ADCY8: variants seen among roughly 807,000 people sequenced by gnomAD.
The protein encoded by ADCY8 is adenylate cyclase 8, also known as adenylate cyclase type 8.
Under a neutral mutation model 119.7 loss-of-function variants are expected in ADCY8, and 51 were observed. The observed-to-expected ratio is 0.43, with a 90% CI of 0.34 to 0.54. The LOEUF (loss-of-function observed/expected upper bound fraction) is 0.54, where lower values mean the gene tolerates loss of function less well. ADCY8 is among the 20% of genes least tolerant of loss of function. The pLI is 0.03. For missense variants in ADCY8, 1,383 were observed against 1,598.8 expected (o/e 0.87, Z 2.30); for synonymous variants, 665 against 651.0 (o/e 1.02, Z -0.33).
chr8:130,797,475 A>C (rs1454486462), intron 15 of ADCY8, among the ~76,000 whole-genome samples: 1 of 152,232 alleles, frequency 6.6e-6, no homozygotes, highest in Non-Finnish European at 1.5e-5. Flanking sequence ...ACTATCTGCC[A>C]GCTTGTTTCT....
intron 5 of ADCY8, among the ~76,000 whole-genome samples, chr8:130,927,361 A>T (rs1006643055): frequency 2.8e-4 from 43 of 152,208 alleles, no homozygotes; most frequent in South Asian, 2.1e-4. Flanking sequence ...TTAACTTTTT[A>T]AAAAATATAC....
At chr8:130,910,214 T>C (rs1246976866) in intron 5 of ADCY8, among the ~76,000 whole-genome samples, 1 of 152,180 alleles carries the variant, frequency 6.6e-6, no homozygotes, top group East Asian at 1.9e-4. Context: ...CTGAACATCC[T>C]TAGCCTTTTA....
At chr8:130,931,946 AG>A (rs1291101265) in intron 5 of ADCY8, among the ~76,000 whole-genome samples, 2 of 152,002 alleles carry the variant, frequency 1.3e-5, no homozygotes, top group African/African-American at 4.8e-5. Flanking sequence ...TCATTTCTTT[AG>A]GTTCAGTCAC....
At chr8:131,005,649 G>A (rs1199741626) in intron 1 of ADCY8, among the ~76,000 whole-genome samples, 1 of 152,172 alleles carries the variant, frequency 6.6e-6, no homozygotes, top group East Asian at 1.9e-4. Context: ...AGCCGAAGAG[G>A]AAGACAGAAA....
At chr8:131,020,131 A>G (rs6470884) in intron 1 of ADCY8, among the ~76,000 whole-genome samples, 10,200 of 152,222 alleles carry the variant, frequency 0.067, 591 homozygotes, top group African/African-American at 0.15. Flanking sequence ...GAGGGAGAGC[A>G]GTCAGATCTA....
chr8:130,885,436 AG>A (rs1440596159), intron 7 of ADCY8, among the ~76,000 whole-genome samples: 1 of 152,090 alleles, frequency 6.6e-6, no homozygotes, highest in Non-Finnish European at 1.5e-5. Context: ...ACCATTTCAC[AG>A]GGTTACACAG....
At chr8:130,821,841 G>T (rs1253054609) in intron 12 of ADCY8, among the ~76,000 whole-genome samples, 1 of 152,174 alleles carries the variant, frequency 6.6e-6, no homozygotes, top group African/African-American at 2.4e-5. Flanking sequence ...GATTGGACAG[G>T]GACTTAGACT....
intron 2 of ADCY8, among the ~76,000 whole-genome samples, chr8:130,979,023 G>T (rs1322724908): frequency 6.6e-6 from 1 of 152,132 alleles, no homozygotes; most frequent in Non-Finnish European, 1.5e-5. Context: ...TCTAATGCTG[G>T]TTGGGGCGGA....
At chr8:130,840,842 G>A (rs766784388) in intron 11 of ADCY8, among the ~76,000 whole-genome samples, 8 of 152,070 alleles carry the variant, frequency 5.3e-5, no homozygotes, top group Non-Finnish European at 7.4e-5. Flanking sequence ...GAAATGTTAG[G>A]TAGTGAGCAA....
At chr8:130,935,049 T>C (rs926944232) in intron 5 of ADCY8, among the ~76,000 whole-genome samples, 1 of 152,238 alleles carries the variant, frequency 6.6e-6, no homozygotes, top group Non-Finnish European at 1.5e-5. Context: ...GACAACTGGA[T>C]ATTTTTCTTG....
At chr8:130,788,871 A>G (rs1432931014) in intron 15 of ADCY8, among the ~76,000 whole-genome samples, 2 of 152,204 alleles carry the variant, frequency 1.3e-5, no homozygotes, top group Non-Finnish European at 2.9e-5. Flanking sequence ...ACACACAAGA[A>G]TATGATAAAT....
intron 12 of ADCY8, 50 bp from the exon 13 acceptor site, chr8:130,821,470 C>T (rs768943774): frequency 6.9e-7 from 1 of 1,440,126 alleles, no homozygotes; most frequent in Admixed American, 1.7e-5. Flanking sequence ...TTCAAGGAGA[C>T]CTATGAGAAA....
At chr8:130,826,104 A>G (rs1441023593) in intron 12 of ADCY8, among the ~76,000 whole-genome samples, 1 of 152,246 alleles carries the variant, frequency 6.6e-6, no homozygotes, top group African/African-American at 2.4e-5. Flanking sequence ...TGGTTGGCAT[A>G]AAGAATGGCA....
intron 1 of ADCY8, among the ~76,000 whole-genome samples, chr8:131,012,524 G>A (rs1488190636): frequency 6.6e-6 from 1 of 152,192 alleles, no homozygotes; most frequent in Non-Finnish European, 1.5e-5. Flanking sequence ...GGATCCTAGA[G>A]GTACAAGGGG....
At chr8:131,018,966 C>A (rs1823565855) in intron 1 of ADCY8, among the ~76,000 whole-genome samples, 1 of 152,270 alleles carries the variant, frequency 6.6e-6, no homozygotes, top group South Asian at 2.1e-4. Context: ...ACCCAGTTCA[C>A]CTGCCACCTC....
intron 4 of ADCY8, among the ~76,000 whole-genome samples, chr8:130,939,093 A>ATTT (rs397961879): frequency 6.8e-6 from 1 of 146,660 alleles, no homozygotes; most frequent in African/African-American, 2.5e-5. Flanking sequence ...TGTAGGGTAC[A>ATTT]TTTTTTTTTT....
rs1417621416 is a variant in ADCY8, at chr8:131,039,438, G to A, written c.896C>T (p.Thr299Ile). 6.2e-7 allele frequency: 1 copy of A among 1,614,202 alleles called. No individual in the cohort carries two copies. Among genetic ancestry groups the A allele is most frequent in the Non-Finnish European group, 8.5e-7 (1 of 1,180,036 alleles). ...TTGGAGGATGACCTGCAGCAGCGAG[G>A]TGCCCAGGCCGGCCAGGATGGCCCA... ...LTWAILAGLG[T>I]SLLQVILQVV... Residue 299 changes from threonine to isoleucine, a missense_variant, in exon 1 of 18, where the codon ACC (threonine) becomes ATC (isoleucine). Physicochemically the swap from Thr to Ile is moderately conservative, Grantham distance 89. This residue lies in a region of ADCY8 where 455 missense variants were observed against 435.3 expected (regional missense o/e 1.05). Coordinates refer to ENST00000286355, the MANE Select transcript of ADCY8 (RefSeq NM_001115.3).
chr8:130,976,029 C>T (rs1411125361), intron 2 of ADCY8, among the ~76,000 whole-genome samples: 1 of 151,842 alleles, frequency 6.6e-6, no homozygotes, highest in Non-Finnish European at 1.5e-5. Flanking sequence ...TAAAAAAAAC[C>T]ACCACCTATC....
intron 7 of ADCY8, among the ~76,000 whole-genome samples, chr8:130,886,630 G>A (rs770119914): frequency 7.2e-5 from 11 of 152,056 alleles, no homozygotes; most frequent in Non-Finnish European, 1.3e-4. Context: ...AGCTGTCCTC[G>A]TCTGACCATA....
Sources: gnomAD v4.1 joint callset for allele counts (sites outside exome capture counted in the v4.1 genomes callset) on GRCh38, gnomAD v4.1.1 for gene constraint, gnomAD v4.1.1 regional missense constraint, MANE v1.5 for transcripts, NCBI Gene and HGNC (gene_info 2026-07-23, HGNC 2026-07-21) for gene names.